Variants in MGST1 observed in about 807,000 individuals in gnomAD.
The protein encoded by MGST1 is microsomal glutathione S-transferase 1, also known as glutathione S-transferase 12.
In MGST1, 5 loss-of-function variants were observed where a neutral mutation model predicts 8.9. That is an observed-to-expected ratio of 0.56 (90% confidence interval 0.29 to 1.19). The LOEUF is 1.19. MGST1 is among the 50% of genes most tolerant of loss of function. The pLI, the probability that MGST1 is intolerant of heterozygous loss-of-function variation, is 0.08. For missense variants in MGST1, 182 were observed against 187.4 expected, an observed-to-expected ratio of 0.97 and a Z score of 0.17; for synonymous variants, 54 against 67.8, an observed-to-expected ratio of 0.80 and a Z score of 1.00.
At chr12:16,424,316 G>A (rs1940866616) in intron 1 of MGST1, among the ~76,000 whole-genome samples, 1 of 152,080 alleles carries the variant, frequency 6.6e-6, no homozygotes. Flanking sequence ...AAAGAACTTT[G>A]GAAGAAACAG....
intron 4 of MGST1, among the ~76,000 whole-genome samples, chr12:16,499,788 C>T (rs916929267): frequency 1.4e-4 from 21 of 152,056 alleles, no homozygotes; most frequent in Admixed American, 1.4e-3. Flanking sequence ...GATCTGACAC[C>T]CATCTTTTCT....
At chr12:16,518,255 G>C (rs1309160842) in intron 4 of MGST1, among the ~76,000 whole-genome samples, 1 of 152,072 alleles carries the variant, frequency 6.6e-6, no homozygotes, top group Non-Finnish European at 1.5e-5. Flanking sequence ...AACTTATCAA[G>C]GTTGTCTCTG....
chr12:16,574,402 G>A (rs1340123672), intron 4 of MGST1, among the ~76,000 whole-genome samples: 2 of 152,084 alleles, frequency 1.3e-5, no homozygotes, highest in African/African-American at 2.4e-5. Context: ...TGAGTCCCCA[G>A]TCACGGATTT....
intron 1 of MGST1, among the ~76,000 whole-genome samples, chr12:16,414,800 A>G (rs1364024207): frequency 6.6e-6 from 1 of 152,156 alleles, no homozygotes; most frequent in Non-Finnish European, 1.5e-5. Context: ...AGGCTGGCAG[A>G]TCACTTGAGG....
intron 4 of MGST1, among the ~76,000 whole-genome samples, chr12:16,468,994 A>G (rs1042776434): frequency 6.6e-5 from 10 of 152,174 alleles, no homozygotes; most frequent in African/African-American, 2.2e-4. Context: ...GTAGACAGAC[A>G]AGGTAGAAGG....
chr12:16,446,622 C>G (rs897889987), intron 4 of MGST1, among the ~76,000 whole-genome samples: 1 of 151,916 alleles, frequency 6.6e-6, no homozygotes, highest in Non-Finnish European at 1.5e-5. Flanking sequence ...GACTCCCAGG[C>G]CCCTGATGGT....
chr12:16,506,116 C>A (rs765406115), intron 4 of MGST1, among the ~76,000 whole-genome samples: 4 of 152,122 alleles, frequency 2.6e-5, no homozygotes, highest in Non-Finnish European at 4.4e-5. Context: ...TAATTGCAAG[C>A]TAACAATTTA....
intron 4 of MGST1, among the ~76,000 whole-genome samples, chr12:16,445,167 A>C (rs1217985095): frequency 6.6e-6 from 1 of 151,592 alleles, no homozygotes; most frequent in East Asian, 2.0e-4. Context: ...TAAGTCACAT[A>C]CTATATTAGG....
chr12:16,556,258 C>T (rs1163427994), intron 4 of MGST1, among the ~76,000 whole-genome samples: 1 of 151,904 alleles, frequency 6.6e-6, no homozygotes, highest in African/African-American at 2.4e-5. Flanking sequence ...AGAAATTAAC[C>T]TGTTATATAG....
Position 16,582,082 on chromosome 12 carries a change from A to T in MGST1, n.483-7446A>T, listed in dbSNP as rs985250330. Among the ~76,000 whole-genome samples, 1 of 152,170 alleles carries T rather than the reference A, an allele frequency of 6.6e-6. No individual in the cohort carries two copies. The highest frequency in any genetic ancestry group is 1.5e-5 in the Non-Finnish European group (1 of 68,020). On this transcript the variant is annotated intron_variant and non_coding_transcript_variant, in intron 4 of 4. Transcript: ENST00000538857. The surrounding 1 kb of genome is among the most constrained non-coding windows in gnomAD (Gnocchi z 4.1). ...CTGGCTTTTTCTTGGCTTTAATGGAAATTACTTTAGTATTTAGCTGTTTTA... is the reference window on the plus strand; with the variant it reads ...CTGGCTTTTTCTTGGCTTTAATGGATATTACTTTAGTATTTAGCTGTTTTA...
At chr12:16,349,997 G>A (rs1478008443) in intron 1 of MGST1, among the ~76,000 whole-genome samples, 2 of 152,070 alleles carry the variant, frequency 1.3e-5, no homozygotes, top group Non-Finnish European at 2.9e-5. Context: ...GCCCGCCTCC[G>A]GCTCCCAAAG....
rs1490500161 is a variant in MGST1, at chr12:16,585,157, A to G, written n.483-4371A>G. Reference sequence around the variant, plus strand: ...CCTTTGGGTGGCGCATGCAAGCCCCAGTTCACAACGTTATTTTTCCTTCCA... The same window carrying G: ...CCTTTGGGTGGCGCATGCAAGCCCCGGTTCACAACGTTATTTTTCCTTCCA... On this transcript the variant is annotated intron_variant and non_coding_transcript_variant, in intron 4 of 4. Transcript: ENST00000538857. This position sits in a 1 kb window ranked among gnomAD's most constrained non-coding sequence, Gnocchi z 4.7. 6.6e-6 allele frequency among the ~76,000 whole-genome samples: 1 copy of G among 152,174 alleles called. No homozygotes were observed. Among genetic ancestry groups the G allele is most frequent in the Non-Finnish European group, 1.5e-5 (1 of 68,030 alleles).
In MGST1 at chr12:16,508,989, G is replaced by A. The variant is rs1010923804; in HGVS notation, n.483-80539G>A. Among the ~76,000 whole-genome samples the A allele has an allele frequency of 4.8e-4, 73 of 152,244 alleles. 1 individual carries two copies. Among genetic ancestry groups the A allele is most frequent in the Middle Eastern group, 6.8e-3 (2 of 294 alleles). On this transcript the variant is annotated intron_variant and non_coding_transcript_variant, in intron 4 of 4. Transcript: ENST00000538857. ...TGGTTTGAAGATTCTTGATGCTGCT[G>A]CTATGTGCTTTTATCCCCTCTGAGA...
At chr12:16,431,213 G>T (rs937058810) in intron 1 of MGST1, among the ~76,000 whole-genome samples, 1 of 152,204 alleles carries the variant, frequency 6.6e-6, no homozygotes, top group African/African-American at 2.4e-5. Flanking sequence ...CATTGTAGCT[G>T]GTTTGATCTT....
At chr12:16,391,786 G>T (rs900852919) in intron 1 of MGST1, among the ~76,000 whole-genome samples, 3 of 152,124 alleles carry the variant, frequency 2.0e-5, no homozygotes, top group African/African-American at 7.2e-5. Context: ...TGTTGCAATT[G>T]CTTTTGGCAT....
chr12:16,384,234 G>GC (rs1168450856), intron 1 of MGST1, among the ~76,000 whole-genome samples: 2 of 152,036 alleles, frequency 1.3e-5, no homozygotes, highest in Non-Finnish European at 2.9e-5. Flanking sequence ...GTGCCCTCCT[G>GC]CCCCCCAAAA....
chr12:16,453,576 A>G (rs1941147199), intron 4 of MGST1, among the ~76,000 whole-genome samples: 1 of 151,958 alleles, frequency 6.6e-6, no homozygotes, highest in African/African-American at 2.4e-5. Flanking sequence ...GTAACAAAGT[A>G]TTATAAAATT....
At chr12:16,399,798 A>G (rs1940638127) in intron 1 of MGST1, 4 of 1,194,508 alleles carry the variant, frequency 3.3e-6, no homozygotes, top group Non-Finnish European at 5.0e-6. Flanking sequence ...GGGTCAAGAG[A>G]GGCTACAAGA....
intron 4 of MGST1, among the ~76,000 whole-genome samples, chr12:16,498,314 T>A (rs1446913796): frequency 6.6e-6 from 1 of 152,188 alleles, no homozygotes; most frequent in Non-Finnish European, 1.5e-5. Flanking sequence ...GAAGCCATCA[T>A]CTGCCAGTGA....
Sources: gnomAD v4.1 joint callset for allele counts (sites outside exome capture counted in the v4.1 genomes callset) on GRCh38, gnomAD v4.1.1 for gene constraint, Gnocchi (gnomAD v3.1) non-coding constraint, MANE v1.5 for transcripts, NCBI Gene and HGNC (gene_info 2026-07-23, HGNC 2026-07-21) for gene names.